The following ATG5 variants were observed in gnomAD, a reference collection of about 807,000 sequenced individuals.
The protein encoded by ATG5 is autophagy related 5, also known as autophagy protein 5.
ATG5 carries 14 observed loss-of-function variants against 36.5 expected under a neutral mutation model. That is an observed-to-expected ratio of 0.38 (90% CI 0.25 to 0.60). The LOEUF is 0.60. Among genes scored for constraint, ATG5 ranks in the 20% least tolerant of loss-of-function variants. The pLI is 0.60. For synonymous variants in ATG5, 95 were observed against 101.5 expected, an observed-to-expected ratio of 0.94 and a Z score of 0.38; for missense variants, 195 against 326.7, an observed-to-expected ratio of 0.60 and a Z score of 3.11.
intron 6 of ATG5, among the ~76,000 whole-genome samples, chr6:106,229,209 T>C (rs1203059545): frequency 6.6e-6 from 1 of 152,264 alleles, no homozygotes; most frequent in African/African-American, 2.4e-5. Flanking sequence ...AAGGAAGCTC[T>C]ATGCTGCGCC....
intron 5 of ATG5, among the ~76,000 whole-genome samples, chr6:106,253,019 T>C (rs1778659409): frequency 3.3e-5 from 5 of 152,236 alleles, no homozygotes; most frequent in Non-Finnish European, 7.3e-5. Flanking sequence ...CATGTAATAA[T>C]TGTATTGTTT....
chr6:106,246,390 T>TCACACACACACA (rs1423043399), intron 6 of ATG5, among the ~76,000 whole-genome samples: 1 of 113,472 alleles, frequency 8.8e-6, no homozygotes, highest in African/African-American at 3.8e-5. Flanking sequence ...TCTCTCTCTC[T>TCACACACACACA]CTCACACACA....
chr6:106,229,080 G>C (rs568311920), intron 6 of ATG5, among the ~76,000 whole-genome samples: 3 of 152,364 alleles, frequency 2.0e-5, no homozygotes, highest in South Asian at 4.1e-4. Flanking sequence ...CGACTTTCTT[G>C]AAAGTGTAGC....
In ATG5 at chr6:106,186,165, T is replaced by A; in HGVS notation, c.*375A>T. On this transcript the variant is annotated 3_prime_UTR_variant, in exon 8 of 8. Coordinates refer to ENST00000369076, the MANE Select transcript of ATG5 (RefSeq NM_004849.4). The stretch of plus-strand genomic sequence containing the variant: ...TGTTTCCACTTTCATGAGCTAAAGT[T>A]CAACCATGGTCACCTTAGGAAATAC... The A allele has an allele frequency of 5.9e-6, 1 of 170,894 alleles. No homozygotes were observed. The highest frequency in any genetic ancestry group is 1.2e-5 in the Non-Finnish European group (1 of 80,256). The allele number at this position is 170,894 out of a possible 1,614,324, so 10.6% of individuals were successfully genotyped here.
At chr6:106,189,950 G>C (rs960698603) in intron 7 of ATG5, among the ~76,000 whole-genome samples, 2 of 152,118 alleles carry the variant, frequency 1.3e-5, no homozygotes, top group African/African-American at 4.8e-5. Context: ...GCACTTTTTA[G>C]AGAGTAATTT....
chr6:106,227,292 C>G (rs1777486073), intron 6 of ATG5, among the ~76,000 whole-genome samples: 1 of 152,058 alleles, frequency 6.6e-6, no homozygotes, highest in Non-Finnish European at 1.5e-5. Context: ...AATCAAAGCA[C>G]TGAAAGAAGT....
intron 6 of ATG5, among the ~76,000 whole-genome samples, chr6:106,221,641 G>A (rs759457336): frequency 2.4e-4 from 35 of 147,880 alleles, no homozygotes; most frequent in Non-Finnish European, 3.6e-4. Context: ...AGCTGAGATC[G>A]TGCCACTGCA....
intron 3 of ATG5, among the ~76,000 whole-genome samples, chr6:106,305,337 C>T (rs1424081730): frequency 1.3e-5 from 2 of 152,032 alleles, no homozygotes; most frequent in East Asian, 3.9e-4. Context: ...AAAACAAAGC[C>T]CCCGGTACTC....
intron 6 of ATG5, among the ~76,000 whole-genome samples, chr6:106,207,884 G>C (rs1216013425): frequency 6.6e-6 from 1 of 152,132 alleles, no homozygotes; most frequent in Non-Finnish European, 1.5e-5. Context: ...ACGAGGTCGG[G>C]AGTCCGAGAC....
At chr6:106,308,171 T>C (rs556019966) in intron 3 of ATG5, among the ~76,000 whole-genome samples, 193 bp downstream of exon 3, 88 of 152,304 alleles carry the variant, frequency 5.8e-4, no homozygotes, top group African/African-American at 2.1e-3. Flanking sequence ...TGTCCAGTCA[T>C]CCATGCATCC....
chr6:106,269,333 C>G (rs906410583), intron 5 of ATG5, among the ~76,000 whole-genome samples: 4 of 152,238 alleles, frequency 2.6e-5, no homozygotes, highest in African/African-American at 9.6e-5. Flanking sequence ...CACGTCCCCA[C>G]CAGACTCAGG....
intron 5 of ATG5, among the ~76,000 whole-genome samples, chr6:106,260,986 C>T (rs901991401): frequency 6.6e-6 from 1 of 151,960 alleles, no homozygotes; most frequent in East Asian, 1.9e-4. Flanking sequence ...CCTGGAAATG[C>T]GTAATACATG....
At chr6:106,254,805 A>G (rs1778736854) in intron 5 of ATG5, among the ~76,000 whole-genome samples, 1 of 152,206 alleles carries the variant, frequency 6.6e-6, no homozygotes, top group Admixed American at 6.5e-5. Context: ...CCAAAACCCC[A>G]TCATTACAGA....
chr6:106,251,059 A>T (rs1046424111), intron 5 of ATG5, among the ~76,000 whole-genome samples: 1 of 152,146 alleles, frequency 6.6e-6, no homozygotes, highest in Non-Finnish European at 1.5e-5. Flanking sequence ...AGAATCTAGC[A>T]CTCCAAAGGC....
intron 7 of ATG5, among the ~76,000 whole-genome samples, chr6:106,198,495 G>A (rs531868389): frequency 1.3e-5 from 2 of 152,220 alleles, no homozygotes; most frequent in South Asian, 4.1e-4. Flanking sequence ...ATGAAGACAA[G>A]GCTGGGCATG....
At chr6:106,306,425 T>C (rs1212771138) in intron 3 of ATG5, among the ~76,000 whole-genome samples, 1 of 152,222 alleles carries the variant, frequency 6.6e-6, no homozygotes, top group Admixed American at 6.5e-5. Flanking sequence ...GGGGCGGTTC[T>C]GCCTCCATTC....
At chr6:106,305,149 T>C (rs530707303) in intron 3 of ATG5, among the ~76,000 whole-genome samples, 2 of 152,280 alleles carry the variant, frequency 1.3e-5, no homozygotes, top group African/African-American at 4.8e-5. Flanking sequence ...TGGGATTATT[T>C]TTCCCTTCTC....
At chr6:106,232,369 T>C (rs1345819452) in intron 6 of ATG5, among the ~76,000 whole-genome samples, 1 of 152,190 alleles carries the variant, frequency 6.6e-6, no homozygotes, top group East Asian at 1.9e-4. Context: ...TTTCTAATTA[T>C]GCCTGAAAGC....
At chr6:106,202,472 G>A (rs1040815323) in intron 6 of ATG5, 3 of 155,688 alleles carry the variant, frequency 1.9e-5, no homozygotes, top group Non-Finnish European at 4.3e-5. Context: ...CTAAATTGAA[G>A]AAGGACATTT....
Sources: gnomAD v4.1 joint callset for allele counts (sites outside exome capture counted in the v4.1 genomes callset) on GRCh38, gnomAD v4.1.1 for gene constraint, MANE v1.5 for transcripts, NCBI Gene and HGNC (gene_info 2026-07-23, HGNC 2026-07-21) for gene names.